The following KCNMA1 variants were observed in gnomAD, a reference collection of about 807,000 sequenced individuals.
KCNMA1 encodes Calcium-activated potassium channel subunit alpha-1.
A neutral mutation model predicts 140.0 loss-of-function variants in KCNMA1; 29 were observed. The ratio of observed to expected loss-of-function variants is 0.21; its 90% CI spans 0.15 to 0.28. The LOEUF is 0.28. Among genes scored for constraint, KCNMA1 ranks in the 10% least tolerant of loss-of-function variants. KCNMA1 has a pLI of 1.00. For synonymous variants in KCNMA1, 612 were observed against 611.9 expected (o/e 1.00, Z 0.00); for missense variants, 880 against 1,602.2 (o/e 0.55, Z 7.70).
At chr10:77,482,589 G>T (rs961655220) in intron 1 of KCNMA1, among the ~76,000 whole-genome samples, 1 of 152,022 alleles carries the variant, frequency 6.6e-6, no homozygotes, top group Non-Finnish European at 1.5e-5. Flanking sequence ...GGCCATTTGG[G>T]ACCTTTTGCC....
chr10:77,339,475 G>A (rs1603203103), intron 2 of KCNMA1, among the ~76,000 whole-genome samples: 1 of 152,228 alleles, frequency 6.6e-6, no homozygotes, highest in Middle Eastern at 3.4e-3. Flanking sequence ...GACTGTGTTT[G>A]TATCTACCCC....
chr10:77,102,541 T>C (rs1439115494), intron 9 of KCNMA1, among the ~76,000 whole-genome samples: 1 of 152,180 alleles, frequency 6.6e-6, no homozygotes, highest in African/African-American at 2.4e-5. Flanking sequence ...CTCAGGCAGG[T>C]TGGGGTCTGA....
At chr10:77,112,234 G>C (rs2097343523) in intron 7 of KCNMA1, 133 bp downstream of exon 7, 6 of 714,274 alleles carry the variant, frequency 8.4e-6, no homozygotes, top group Non-Finnish European at 1.5e-5. Context: ...CAATTGTGTG[G>C]TTGCTTCCCA....
At chr10:77,340,593 T>C (rs2090584162) in intron 2 of KCNMA1, among the ~76,000 whole-genome samples, 1 of 151,836 alleles carries the variant, frequency 6.6e-6, no homozygotes, top group African/African-American at 2.4e-5. Flanking sequence ...ACCGTCATTC[T>C]CAGCAAACTA....
chr10:76,933,511 C>T (rs1012425573), intron 23 of KCNMA1, among the ~76,000 whole-genome samples: 3 of 152,182 alleles, frequency 2.0e-5, no homozygotes, highest in Non-Finnish European at 4.4e-5. Flanking sequence ...AGCCAGGTGA[C>T]CCTCTGTGAA....
At chr10:77,384,889 G>T (rs912121991) in intron 2 of KCNMA1, among the ~76,000 whole-genome samples, 3 of 152,218 alleles carry the variant, frequency 2.0e-5, no homozygotes, top group Admixed American at 6.5e-5. Flanking sequence ...TGAATGAGAA[G>T]CACCATGGTA....
intron 19 of KCNMA1, chr10:76,973,217 A>C (rs1013181874): frequency 6.6e-6 from 1 of 152,162 alleles, no homozygotes; most frequent in South Asian, 2.1e-4. Context: ...CTTTAAAGAA[A>C]CCTGACTTCT....
chr10:77,044,300 GC>G (rs1479387977), intron 14 of KCNMA1, among the ~76,000 whole-genome samples: 1 of 151,716 alleles, frequency 6.6e-6, no homozygotes, highest in Non-Finnish European at 1.5e-5. Flanking sequence ...CTTTGGAAAA[GC>G]AAAAACAAAA....
chr10:77,183,556 A>G (rs1647725885), intron 4 of KCNMA1, 24 bp from the exon 5 acceptor site: 9 of 1,516,864 alleles, frequency 5.9e-6, no homozygotes, highest in African/African-American at 1.4e-5. Flanking sequence ...GAAATAAGAA[A>G]GAGAAAAAAC....
chr10:77,180,439 T>A lies in KCNMA1; in HGVS notation c.808+2982A>T, dbSNP rs753962629. ...GTTTTAGATTTCACCCAAGGAGATT[T>A]CGCTACCAAAGAACCTAAAGCATTT... On this transcript the variant is annotated intron_variant, in intron 5 of 27. Coordinates refer to ENST00000286628, the MANE Select transcript of KCNMA1 (RefSeq NM_001161352.2). Among the ~76,000 whole-genome samples the A allele has an allele frequency of 6.6e-5, 10 of 152,358 alleles. No individual in the cohort carries two copies. The Middle Eastern group carries it at 0.01, about 155-fold the overall frequency.
chr10:76,956,688 A>G (rs563279708), intron 20 of KCNMA1, among the ~76,000 whole-genome samples: 1 of 152,216 alleles, frequency 6.6e-6, no homozygotes, highest in Non-Finnish European at 1.5e-5. Flanking sequence ...GCAGGAAAAA[A>G]ATATATATAC....
chr10:77,514,708 G>GT (rs1424940082), intron 1 of KCNMA1, among the ~76,000 whole-genome samples: 1 of 152,192 alleles, frequency 6.6e-6, no homozygotes, highest in Non-Finnish European at 1.5e-5. Context: ...GGCAGGGTGG[G>GT]TGGAATAGGG....
chr10:77,205,852 TAG>T (rs2043934177), intron 3 of KCNMA1, among the ~76,000 whole-genome samples: 3 of 152,226 alleles, frequency 2.0e-5, no homozygotes, highest in Admixed American at 2.0e-4. Flanking sequence ...TAAAAATTTG[TAG>T]AGTTATCACT....
rs1189148338 is a variant in KCNMA1 at position 76,984,933 on chromosome 10, G to A, written c.2267-14866C>T. ...AAGGAGACAATCTGCAAGAGAAAAG[G>A]CAGAAAGTGAGGAGGAGGAGAGTAC... On this transcript the variant is annotated intron_variant, in intron 19 of 27. Coordinates refer to ENST00000286628, the MANE Select transcript of KCNMA1 (RefSeq NM_001161352.2). Among the ~76,000 whole-genome samples the A allele has an allele frequency of 3.9e-5, 6 of 152,192 alleles. No homozygotes were observed. In the South Asian group the frequency reaches 1.2e-3, roughly 32 times the overall value.
At chr10:77,546,185 G>A (rs1411268536) in intron 1 of KCNMA1, among the ~76,000 whole-genome samples, 1 of 152,064 alleles carries the variant, frequency 6.6e-6, no homozygotes, top group African/African-American at 2.4e-5. Context: ...TGTGGGGCTG[G>A]CTGTGATCAC....
At chr10:77,124,179 T>C (rs1401371944) in intron 5 of KCNMA1, among the ~76,000 whole-genome samples, 3 of 152,238 alleles carry the variant, frequency 2.0e-5, no homozygotes, top group African/African-American at 7.2e-5. Flanking sequence ...TGCATAGATA[T>C]GCTTTTATTT....
At chr10:77,040,150 G>A (rs2094584054) in intron 14 of KCNMA1, among the ~76,000 whole-genome samples, 1 of 151,770 alleles carries the variant, frequency 6.6e-6, no homozygotes, top group South Asian at 2.1e-4. Flanking sequence ...AAAGTCCTGG[G>A]ATTACAGGTG....
chr10:77,494,459 G>C (rs944549451), intron 1 of KCNMA1, among the ~76,000 whole-genome samples: 1 of 152,190 alleles, frequency 6.6e-6, no homozygotes, highest in African/African-American at 2.4e-5. Flanking sequence ...TGGACAAACG[G>C]GCACATGGGG....
intron 24 of KCNMA1, chr10:76,913,433 T>C (rs1347840621): frequency 1.3e-5 from 2 of 152,318 alleles, no homozygotes; most frequent in African/African-American, 2.4e-5. Context: ...CGTGGGTGGC[T>C]GCTAACCTTA....
Sources: gnomAD v4.1 joint callset for allele counts (sites outside exome capture counted in the v4.1 genomes callset) on GRCh38, gnomAD v4.1.1 for gene constraint, MANE v1.5 for transcripts, NCBI Gene and HGNC (gene_info 2026-07-23, HGNC 2026-07-21) for gene names.